XXYLT1: variants seen among roughly 807,000 people sequenced by gnomAD.
The protein encoded by XXYLT1 is xyloside xylosyltransferase 1.
In XXYLT1, 20 loss-of-function variants were observed where a neutral mutation model predicts 28.9. That is an observed-to-expected ratio of 0.69 (90% CI 0.49 to 1.00). The LOEUF is 1.00. Among genes scored for constraint, XXYLT1 ranks in the 50% least tolerant of loss-of-function variants. The pLI is 0.00. For synonymous variants in XXYLT1, 257 were observed against 253.8 expected (o/e 1.01, Z -0.12); for missense variants, 542 against 560.1 (o/e 0.97, Z 0.33).
Position 195,223,461 on chromosome 3 carries a change from T to C in XXYLT1, c.652+3248A>G, listed in dbSNP as rs1046066995. On this transcript the variant is annotated intron_variant, in intron 2 of 3. Coordinates refer to ENST00000310380, the MANE Select transcript of XXYLT1 (RefSeq NM_152531.5). ...CTCCACCCATACTCCACTCTCACTTTCCTGGAGAAAAACGAATGCTATGAA... is the reference window on the plus strand; with the variant it reads ...CTCCACCCATACTCCACTCTCACTTCCCTGGAGAAAAACGAATGCTATGAA... 2.6e-5 allele frequency among the ~76,000 whole-genome samples: 4 copies of C among 152,270 alleles called. 1 individual carries two copies. The Middle Eastern group carries it at 0.014, about 518-fold the overall frequency.
intron 2 of XXYLT1, among the ~76,000 whole-genome samples, chr3:195,165,856 A>G (rs1721093682): frequency 6.6e-6 from 1 of 152,198 alleles, no homozygotes; most frequent in Non-Finnish European, 1.5e-5. Context: ...TTAAGTCCCT[A>G]TATCTCAGGT....
chr3:195,178,209 TA>T (rs1178962249), intron 2 of XXYLT1, among the ~76,000 whole-genome samples: 2 of 152,018 alleles, frequency 1.3e-5, no homozygotes, highest in African/African-American at 4.8e-5. Context: ...GGCAAGCTGA[TA>T]AGAAAGTCTG....
chr3:195,080,900 C>T (rs749178549), intron 3 of XXYLT1, among the ~76,000 whole-genome samples: 6 of 152,336 alleles, frequency 3.9e-5, no homozygotes, highest in African/African-American at 9.6e-5. Flanking sequence ...GTATGACCCC[C>T]GGCTGCAAAC....
At chr3:195,119,047 G>A (rs1354609048) in intron 3 of XXYLT1, among the ~76,000 whole-genome samples, 1 of 152,136 alleles carries the variant, frequency 6.6e-6, no homozygotes, top group Non-Finnish European at 1.5e-5. Context: ...GGAAGCCAGG[G>A]CGGGTGGATC....
intron 1 of XXYLT1, among the ~76,000 whole-genome samples, chr3:195,254,481 G>A (rs549652951): frequency 1.3e-5 from 2 of 152,362 alleles, no homozygotes; most frequent in South Asian, 2.1e-4. Context: ...TGCTCAGCAC[G>A]TCCACGGGGC....
intron 3 of XXYLT1, among the ~76,000 whole-genome samples, chr3:195,075,109 G>A (rs12637385): frequency 0.05 from 7,659 of 152,230 alleles, 282 homozygotes; most frequent in East Asian, 0.13. Context: ...AAACTTAGCC[G>A]GGCATGGTGG....
chr3:195,205,269 C>T (rs1723022763), intron 2 of XXYLT1, among the ~76,000 whole-genome samples: 1 of 152,226 alleles, frequency 6.6e-6, no homozygotes, highest in Non-Finnish European at 1.5e-5. Context: ...GACAACCAAG[C>T]TGTCCTTAAA....
At chr3:195,120,278 T>C (rs1223644964) in intron 3 of XXYLT1, among the ~76,000 whole-genome samples, 7 of 73,272 alleles carry the variant, frequency 9.6e-5, no homozygotes, top group Admixed American at 3.4e-4. Context: ...CCTCTGCTGC[T>C]CAGATGCCCC....
intron 1 of XXYLT1, among the ~76,000 whole-genome samples, chr3:195,260,614 C>T (rs1725664385): frequency 6.6e-6 from 1 of 152,214 alleles, no homozygotes; most frequent in Non-Finnish European, 1.5e-5. Flanking sequence ...GGCCCTGCCA[C>T]CTTCGCTGTG....
At chr3:195,253,737 G>A (rs1725366906) in intron 1 of XXYLT1, among the ~76,000 whole-genome samples, 1 of 152,004 alleles carries the variant, frequency 6.6e-6, no homozygotes, top group African/African-American at 2.4e-5. Context: ...GACCTCAGGT[G>A]ATCCGCCCGC....
intron 3 of XXYLT1, among the ~76,000 whole-genome samples, chr3:195,112,404 G>T (rs1033089176): frequency 6.7e-6 from 1 of 149,386 alleles, no homozygotes; most frequent in Admixed American, 6.8e-5. Context: ...CTGCACGTGC[G>T]CACGTGCGCG....
intron 2 of XXYLT1, among the ~76,000 whole-genome samples, chr3:195,162,200 T>C (rs1351832025): frequency 6.6e-6 from 1 of 152,170 alleles, no homozygotes; most frequent in Non-Finnish European, 1.5e-5. Context: ...ACCCCGTCTG[T>C]TGGGCTCGAC....
chr3:195,247,524 G>T (rs1013480702), intron 1 of XXYLT1, among the ~76,000 whole-genome samples: 3 of 152,242 alleles, frequency 2.0e-5, no homozygotes, highest in Admixed American at 1.3e-4. Context: ...TCCTCTAGGG[G>T]CCGGCCTCTC....
chr3:195,112,504 CCACACACACCCACA>C (rs879580715), intron 3 of XXYLT1, among the ~76,000 whole-genome samples: 2,432 of 32,376 alleles, frequency 0.075, 28 homozygotes, highest in Non-Finnish European at 0.16. Flanking sequence ...ATGCACACAC[CCACACACACCCACA>C]CACACACACA....
intron 1 of XXYLT1, among the ~76,000 whole-genome samples, chr3:195,237,493 T>C (rs1455356190): frequency 6.6e-6 from 1 of 152,032 alleles, no homozygotes; most frequent in Non-Finnish European, 1.5e-5. Flanking sequence ...TTCGGTAATA[T>C]GAAGTTAAAA....
At chr3:195,110,213 C>CA (rs1717467564) in intron 3 of XXYLT1, among the ~76,000 whole-genome samples, 1 of 3,442 alleles carries the variant, frequency 2.9e-4, no homozygotes, top group Non-Finnish European at 8.3e-4. Flanking sequence ...GTGGTGTGTG[C>CA]GTGTGTGGTG....
At chr3:195,263,212 G>C (rs1241536149) in intron 1 of XXYLT1, among the ~76,000 whole-genome samples, 1 of 152,214 alleles carries the variant, frequency 6.6e-6, no homozygotes, top group Admixed American at 6.5e-5. Context: ...AAGAAACTCT[G>C]AGAATCCCCT....
At chr3:195,143,260 T>C (rs1291130046) in intron 3 of XXYLT1, among the ~76,000 whole-genome samples, 1 of 152,210 alleles carries the variant, frequency 6.6e-6, no homozygotes, top group African/African-American at 2.4e-5. Flanking sequence ...AACCAAAGCC[T>C]TGCGGGGTGC....
intron 1 of XXYLT1, among the ~76,000 whole-genome samples, chr3:195,254,707 A>C (rs1434308854): frequency 1.3e-5 from 2 of 152,232 alleles, no homozygotes; most frequent in Non-Finnish European, 2.9e-5. Context: ...ACAGCCACCA[A>C]GGGTGGGACA....
Sources: allele counts gnomAD v4.1 joint callset (sites outside exome capture counted in the v4.1 genomes callset), GRCh38; gene constraint gnomAD v4.1.1; transcripts MANE v1.5; gene names NCBI Gene and HGNC (gene_info 2026-07-23, HGNC 2026-07-21).